FRAS1: variants seen among roughly 807,000 people sequenced by gnomAD.
FRAS1 encodes the protein extracellular matrix organizing protein FRAS1.
In FRAS1, 290 loss-of-function variants were observed where a neutral mutation model predicts 435.2. The observed-to-expected ratio is 0.67, with a 90% CI of 0.61 to 0.73. FRAS1 has a LOEUF of 0.73. FRAS1 is among the 30% of genes least tolerant of loss of function. FRAS1 has a pLI of 0.00. For missense variants in FRAS1, 4,860 were observed against 5,001.5 expected (o/e 0.97, Z 0.85); for synonymous variants, 1,800 against 1,851.0 (o/e 0.97, Z 0.71).
intron 70 of FRAS1, among the ~76,000 whole-genome samples, chr4:78,530,307 A>G (rs1390746): frequency 0.53 from 81,148 of 151,834 alleles, 22,719 homozygotes; most frequent in East Asian, 0.72. Context: ...AAATGTGGGA[A>G]GTGGCAGAGG....
At chr4:78,244,788 A>C (rs1401923057) in intron 3 of FRAS1, among the ~76,000 whole-genome samples, 1 of 152,200 alleles carries the variant, frequency 6.6e-6, no homozygotes, top group Non-Finnish European at 1.5e-5. Flanking sequence ...CTCCTGTCCC[A>C]GGTAAAAGTT....
chr4:78,463,711 G>T (rs12505864), intron 47 of FRAS1, among the ~76,000 whole-genome samples: 49,522 of 152,022 alleles, frequency 0.33, 8,789 homozygotes, highest in Admixed American at 0.41. Context: ...TAAGACAATG[G>T]CTCTACCTTT....
At position 78,252,558 on chromosome 4, in the gene FRAS1, AT is replaced by A; in HGVS notation, c.469+8del. ...GTTTGTGTGGGCCTTGGGAGTGAGT[AT>A]GAGCTTGTAGAAGGGGACCCTCTTT... On this transcript the variant is annotated splice_region_variant and intron_variant, in intron 5 of 73. Transcript: ENST00000512123. 6.2e-7 allele frequency: 1 copy of A among 1,610,606 alleles called. No individual in the cohort carries two copies. The highest frequency in any genetic ancestry group is 8.5e-7 in the Non-Finnish European group (1 of 1,178,448).
At position 78,339,525 on chromosome 4, in the gene FRAS1, G is replaced by A. The variant is rs1730317745; in HGVS notation, c.2422+1708G>A. 2.6e-5 allele frequency among the ~76,000 whole-genome samples: 4 copies of A among 152,306 alleles called. No individual in the cohort carries two copies. In the South Asian group the frequency reaches 8.3e-4, roughly 32 times the overall value. ...CAAGATATGGAAGGCATTATGCGGG[G>A]GGGTGGAACCCAAAATATTTCCAGA... On this transcript the variant is annotated intron_variant, in intron 20 of 73. Transcript: ENST00000512123.
At chr4:78,167,190 A>T (rs970827219) in intron 2 of FRAS1, among the ~76,000 whole-genome samples, 1 of 152,206 alleles carries the variant, frequency 6.6e-6, no homozygotes, top group East Asian at 1.9e-4. Flanking sequence ...ACAGCCATTA[A>T]TCTTGGTGCA....
At chr4:78,425,942 G>C (rs1733982225) in intron 35 of FRAS1, among the ~76,000 whole-genome samples, 1 of 152,096 alleles carries the variant, frequency 6.6e-6, no homozygotes, top group African/African-American at 2.4e-5. Flanking sequence ...TTCAAGACCA[G>C]CCCACGCACA....
chr4:78,344,478 AGT>A lies in FRAS1; in HGVS notation c.2422+6662_2422+6663del, dbSNP rs1301301698. On this transcript the variant is annotated intron_variant, in intron 20 of 73. Coordinates refer to ENST00000512123, the MANE Select transcript of FRAS1 (RefSeq NM_025074.7). ...TTGAACCCAGAGAATGTGATTCCAG[AGT>A]CTGGAATGTGATTCCAGAGTCTGGA... Among the ~76,000 whole-genome samples the A allele has an allele frequency of 5.6e-3, 443 of 78,622 alleles. 1 individual carries two copies. Among genetic ancestry groups the A allele is most frequent in the African/African-American group, 0.031 (433 of 13,884 alleles). The allele number at this position is 78,622 out of a possible 152,430, so 51.6% of individuals were successfully genotyped here.
At chr4:78,379,019 C>T (rs923019) in intron 26 of FRAS1, among the ~76,000 whole-genome samples, 96,050 of 151,948 alleles carry the variant, frequency 0.63, 30,570 homozygotes, top group African/African-American at 0.66. Context: ...AAGTCCTATG[C>T]TCTTGCCGTG....
chr4:78,307,377 T>C (rs1728799899), intron 14 of FRAS1, among the ~76,000 whole-genome samples: 2 of 152,360 alleles, frequency 1.3e-5, no homozygotes, highest in East Asian at 1.9e-4. Flanking sequence ...CTCCTTGAAC[T>C]GTGGTGGGGT....
At chr4:78,293,227 CA>C (rs1360749035) in intron 14 of FRAS1, among the ~76,000 whole-genome samples, 1 of 152,150 alleles carries the variant, frequency 6.6e-6, no homozygotes, top group African/African-American at 2.4e-5. Flanking sequence ...AGATACCTTA[CA>C]GGGGAATATG....
At chr4:78,486,327 T>C (rs116091317) in intron 58 of FRAS1, among the ~76,000 whole-genome samples, 1,745 of 152,330 alleles carry the variant, frequency 0.011, 30 homozygotes, top group African/African-American at 0.04. Context: ...TGGTATGGGC[T>C]ACAGAGTAGT....
intron 6 of FRAS1, among the ~76,000 whole-genome samples, chr4:78,256,612 G>T (rs977578576): frequency 6.6e-6 from 1 of 152,148 alleles, no homozygotes; most frequent in Non-Finnish European, 1.5e-5. Flanking sequence ...ATAATTGAAA[G>T]TACTGTTTCT....
At chr4:78,270,746 C>CTT (rs1040365937) in intron 9 of FRAS1, among the ~76,000 whole-genome samples, 22 of 152,012 alleles carry the variant, frequency 1.4e-4, no homozygotes, top group Non-Finnish European at 4.4e-5. Flanking sequence ...CATATCAACT[C>CTT]TTTTATATGC....
intron 14 of FRAS1, among the ~76,000 whole-genome samples, chr4:78,307,701 G>A (rs1254580363): frequency 2.0e-5 from 3 of 152,224 alleles, no homozygotes; most frequent in Non-Finnish European, 4.4e-5. Context: ...GCAATGCCTC[G>A]CCCTGCTTCG....
intron 2 of FRAS1, among the ~76,000 whole-genome samples, chr4:78,110,630 C>A (rs1380264549): frequency 4.6e-5 from 1 of 21,776 alleles, no homozygotes; most frequent in South Asian, 1.3e-3. Context: ...AAACGTTAGA[C>A]CTAAAACCAT....
chr4:78,239,480 T>G (rs1442437622), intron 3 of FRAS1, among the ~76,000 whole-genome samples: 1 of 152,202 alleles, frequency 6.6e-6, no homozygotes, highest in Non-Finnish European at 1.5e-5. Context: ...TCACTGTAAT[T>G]TTGATATAGT....
intron 14 of FRAS1, among the ~76,000 whole-genome samples, chr4:78,304,386 G>A (rs1014721529): frequency 1.3e-5 from 2 of 152,200 alleles, no homozygotes; most frequent in African/African-American, 4.8e-5. Context: ...GAGTTAGGGA[G>A]AATTTCCTCT....
intron 6 of FRAS1, among the ~76,000 whole-genome samples, chr4:78,261,555 T>C (rs761654758): frequency 1.4e-4 from 21 of 152,114 alleles, no homozygotes; most frequent in Non-Finnish European, 2.9e-4. Context: ...TAGGAAGCAT[T>C]TTCAGATCTT....
chr4:78,175,748 G>A (rs1469188849), intron 2 of FRAS1, among the ~76,000 whole-genome samples: 1 of 152,154 alleles, frequency 6.6e-6, no homozygotes, highest in Non-Finnish European at 1.5e-5. Context: ...ATGATGCACA[G>A]TAGGAAGGGA....
Sources: allele counts gnomAD v4.1 joint callset (sites outside exome capture counted in the v4.1 genomes callset), GRCh38; gene constraint gnomAD v4.1.1; transcripts MANE v1.5; gene names NCBI Gene and HGNC (gene_info 2026-07-23, HGNC 2026-07-21).